The following MAP3K8 variants were observed in gnomAD, a reference collection of about 807,000 sequenced individuals.
MAP3K8 encodes Ewing sarcoma transformant.
In MAP3K8, 22 loss-of-function variants were observed where a neutral mutation model predicts 45.8. The observed-to-expected ratio is 0.48, with a 90% CI of 0.34 to 0.69. The LOEUF (loss-of-function observed/expected upper bound fraction) is 0.69. Among genes scored for constraint, MAP3K8 ranks in the 30% least tolerant of loss-of-function variants. The pLI is 0.01. For missense variants in MAP3K8, 419 were observed against 585.0 expected (o/e 0.72, Z 2.93); for synonymous variants, 223 against 214.3 (o/e 1.04, Z -0.36).
intron 1 of MAP3K8, chr10:30,434,888 T>C (rs1835864544): frequency 1.6e-6 from 1 of 607,038 alleles, no homozygotes. Context: ...GCCCAGAGAC[T>C]TGTGAATGGC....
At chr10:30,450,203 T>G in intron 4 of MAP3K8, 55 bp from the exon 5 acceptor site, 1 of 1,511,168 alleles carries the variant, frequency 6.6e-7, no homozygotes. Context: ...ATATTTTATA[T>G]TTTTAAGATG....
intron 6 of MAP3K8, among the ~76,000 whole-genome samples, chr10:30,452,977 CCCACA>C (rs1836604415): frequency 6.6e-6 from 1 of 152,086 alleles, no homozygotes; most frequent in Non-Finnish European, 1.5e-5. Flanking sequence ...CCGTGTCTGG[CCCACA>C]GTTCAGCTTT....
chr10:30,451,330 T>G (rs1296494661), intron 5 of MAP3K8, among the ~76,000 whole-genome samples: 2 of 152,162 alleles, frequency 1.3e-5, no homozygotes, highest in Non-Finnish European at 2.9e-5. Context: ...TATTTTACTT[T>G]TCTGTTTTAG....
At chr10:30,454,282 C>T (rs576327738) in intron 6 of MAP3K8, among the ~76,000 whole-genome samples, 7 of 152,254 alleles carry the variant, frequency 4.6e-5, no homozygotes, top group Non-Finnish European at 5.9e-5. Context: ...AGCTAGTATA[C>T]GTGTTGCACT....
At chr10:30,447,635 A>G in intron 3 of MAP3K8, 147 bp from the exon 4 acceptor site, 1 of 692,126 alleles carries the variant, frequency 1.4e-6, no homozygotes, top group Non-Finnish European at 2.6e-6. Flanking sequence ...TAGTCTCTGT[A>G]CAGTTGGTAG....
At chr10:30,450,547 T>A in intron 5 of MAP3K8, 28 bp downstream of exon 5, 3 of 1,609,338 alleles carry the variant, frequency 1.9e-6, no homozygotes, top group Non-Finnish European at 2.6e-6. Flanking sequence ...TATACCTTTT[T>A]GGCTCAAAGA....
chr10:30,449,988 T>G (rs1257250645), intron 4 of MAP3K8, among the ~76,000 whole-genome samples: 1 of 152,192 alleles, frequency 6.6e-6, no homozygotes, highest in African/African-American at 2.4e-5. Flanking sequence ...TTTTAAAACT[T>G]TGGATAGATT....
chr10:30,439,227 C>T lies in MAP3K8; in HGVS notation c.289C>T (p.His97Tyr), dbSNP rs1203600563. ...AAACCATATATCCAACACTGCAAAG[C>T]ATTTTTATGGACAACGACCACAGGA... ...FANHISNTAK[H>Y]FYGQRPQESG... is the part of the protein sequence containing the mutation. Residue 97 changes from histidine (H) to tyrosine (Y), a missense_variant, in exon 3 of 9, where the codon CAT (histidine) becomes TAT (tyrosine). Around this residue, in one of 3 missense-constraint regions of MAP3K8, gnomAD observed 209 missense variants for 367.3 expected, o/e 0.57. Transcript: ENST00000263056. 2.5e-6 allele frequency: 4 copies of T among 1,614,094 alleles called. No homozygotes were observed. The African/African-American group carries it at 5.3e-5, about 22-fold the overall frequency.
chr10:30,457,339 A>G (rs1836772032), intron 6 of MAP3K8, among the ~76,000 whole-genome samples: 1 of 152,242 alleles, frequency 6.6e-6, no homozygotes. Context: ...ACTCTTTAGA[A>G]TCACTTCTAC....
rs117732875 is a variant in MAP3K8 at position 30,438,182 on chromosome 10, T to G, written c.-23-734T>G. 4.9e-4 allele frequency among the ~76,000 whole-genome samples: 74 copies of G among 152,356 alleles called. 5 individuals carry two copies. In the East Asian group the frequency reaches 0.014, roughly 29 times the overall value. On this transcript the variant is annotated intron_variant, in intron 2 of 8. Coordinates refer to ENST00000263056, the MANE Select transcript of MAP3K8 (RefSeq NM_005204.4). ...TATTAATCTTCTGGGACCCTCAAGA[T>G]GTTTGCTTTGCACTATTAAAGAATT...
intron 6 of MAP3K8, among the ~76,000 whole-genome samples, chr10:30,456,984 C>T (rs771246164): frequency 6.6e-6 from 1 of 151,726 alleles, no homozygotes; most frequent in East Asian, 1.9e-4. Flanking sequence ...GTTGGGAGGC[C>T]GAAGCAGGAG....
chr10:30,454,060 C>G (rs1303780725), intron 6 of MAP3K8, among the ~76,000 whole-genome samples: 1 of 152,076 alleles, frequency 6.6e-6, no homozygotes, highest in African/African-American at 2.4e-5. Flanking sequence ...AGGTTGGATG[C>G]AAGCAGGAAG....
intron 3 of MAP3K8, among the ~76,000 whole-genome samples, chr10:30,440,865 A>T (rs750710406): frequency 1.3e-5 from 2 of 152,218 alleles, no homozygotes; most frequent in Non-Finnish European, 2.9e-5. Flanking sequence ...ATGCAGAAAA[A>T]AAACCAAAGT....
intron 1 of MAP3K8, chr10:30,434,625 C>T: frequency 2.0e-6 from 2 of 985,942 alleles, no homozygotes; most frequent in Non-Finnish European, 2.4e-6. Context: ...CTCCTCCTTC[C>T]CGTATCCGCA....
At chr10:30,441,160 C>CTT (rs11331000) in intron 3 of MAP3K8, among the ~76,000 whole-genome samples, 3 of 144,348 alleles carry the variant, frequency 2.1e-5, no homozygotes, top group Non-Finnish European at 4.6e-5. Flanking sequence ...AAGGAGAATT[C>CTT]TTTTTTTTTT....
Position 30,460,851 on chromosome 10 carries a change from GC to G in MAP3K8, c.*16del. The G allele has an allele frequency of 6.2e-7, 1 of 1,612,578 alleles. No homozygotes were observed. Among genetic ancestry groups the G allele is most frequent in the Non-Finnish European group, 8.5e-7 (1 of 1,179,912 alleles). ...AATATGGCTGAAGGATGCCATGTTT[GC>G]TCTAAATTAAGACAGCATTGATCTC... On this transcript the variant is annotated 3_prime_UTR_variant, in exon 9 of 9. Transcript: ENST00000263056.
chr10:30,450,308 C>G lies in MAP3K8; in HGVS notation c.555C>G (p.Phe185Leu), dbSNP rs776807837. The change falls in exon 5 of 9, where the codon TTC (phenylalanine) becomes TTG (leucine). Residue 185 changes from phenylalanine (F) to leucine (L), a missense_variant. Physicochemically the swap from Phe to Leu is conservative, Grantham distance 22 (BLOSUM62 0). This residue lies in a region of MAP3K8 where 209 missense variants were observed against 367.3 expected (regional missense o/e 0.57). Coordinates refer to ENST00000263056, the MANE Select transcript of MAP3K8 (RefSeq NM_005204.4). ...KPSDVEIQAC[F>L]RHENIAELYG... ...CTGATGTGGAAATCCAGGCTTGCTT[C>G]CGGCACGAGAACATCGCAGAGCTGT... is the stretch of plus-strand genomic sequence containing the variant. 3 of 1,611,704 alleles carry G rather than the reference C, an allele frequency of 1.9e-6. No homozygotes were observed. In the Admixed American group the frequency reaches 5.0e-5, roughly 27 times the overall value.
chr10:30,438,964 A>G lies in MAP3K8; in HGVS notation c.26A>G (p.Asp9Gly), dbSNP rs1836003269. Residue 9 changes from aspartate (D) to glycine (G), a missense_variant, in exon 3 of 9, where the codon GAC (aspartate) becomes GGC (glycine). Asp to Gly is a moderately conservative substitution (Grantham distance 94, BLOSUM62 -1). Coordinates refer to ENST00000263056, the MANE Select transcript of MAP3K8 (RefSeq NM_005204.4). Reference sequence around the variant, plus strand: ...ATGGAGTACATGAGCACTGGAAGTGACAATAAAGAAGAGATTGATTTATTA... The same window carrying G: ...ATGGAGTACATGAGCACTGGAAGTGGCAATAAAGAAGAGATTGATTTATTA... MEYMSTGS[D>G]NKEEIDLLIK... The G allele has an allele frequency of 1.9e-6, 3 of 1,610,300 alleles. No individual in the cohort carries two copies. The highest frequency in any genetic ancestry group is 2.5e-6 in the Non-Finnish European group (3 of 1,177,068).
At chr10:30,446,915 T>C (rs1836360449) in intron 3 of MAP3K8, among the ~76,000 whole-genome samples, 1 of 152,172 alleles carries the variant, frequency 6.6e-6, no homozygotes, top group African/African-American at 2.4e-5. Flanking sequence ...ATTTATATTG[T>C]GTTTTTATTT....
Sources: allele counts gnomAD v4.1 joint callset (sites outside exome capture counted in the v4.1 genomes callset), GRCh38; gene constraint gnomAD v4.1.1; regional missense constraint gnomAD v4.1.1; transcripts MANE v1.5; gene names NCBI Gene and HGNC (gene_info 2026-07-23, HGNC 2026-07-21).